The following PTPRM variants were observed in gnomAD, a reference collection of about 807,000 sequenced individuals.
The protein encoded by PTPRM is protein tyrosine phosphatase receptor type M, also known as receptor-type tyrosine-protein phosphatase mu.
A neutral mutation model predicts 186.7 loss-of-function variants in PTPRM; 47 were observed. The observed-to-expected ratio is 0.25, with a 90% CI of 0.20 to 0.32. PTPRM has a LOEUF of 0.32. Ranked by LOEUF, PTPRM falls within the 10% of genes least tolerant of loss-of-function variation. The probability of loss-of-function intolerance (pLI) is 1.00; values close to 1 mark genes in which losing one functional copy is unlikely to be tolerated. For synonymous variants in PTPRM, 668 were observed against 674.9 expected, an observed-to-expected ratio of 0.99 and a Z score of 0.16; for missense variants, 1,494 against 1,865.0, an observed-to-expected ratio of 0.80 and a Z score of 3.66.
At chr18:7,925,905 T>C (rs1411741522) in intron 4 of PTPRM, among the ~76,000 whole-genome samples, 2 of 152,228 alleles carry the variant, frequency 1.3e-5, no homozygotes, top group African/African-American at 4.8e-5. Context: ...CTGTCCCATA[T>C]GGACAATGTA....
chr18:8,311,429 T>C (rs1249729648), intron 20 of PTPRM, among the ~76,000 whole-genome samples: 1 of 152,166 alleles, frequency 6.6e-6, no homozygotes, highest in Non-Finnish European at 1.5e-5. Context: ...TGTTGCTCAC[T>C]TGCTGTGTAT....
chr18:7,916,021 C>T (rs1217588410), intron 4 of PTPRM, among the ~76,000 whole-genome samples: 12 of 152,172 alleles, frequency 7.9e-5, no homozygotes, highest in Non-Finnish European at 1.2e-4. Context: ...AAAAACTACA[C>T]GTTTTCACTT....
intron 14 of PTPRM, among the ~76,000 whole-genome samples, chr18:8,195,032 C>G (rs1009072602): frequency 2.6e-5 from 4 of 152,160 alleles, no homozygotes; most frequent in African/African-American, 9.7e-5. Context: ...AGCATCCACC[C>G]TGAGGACAAC....
At chr18:7,965,767 G>A (rs1184463444) in intron 7 of PTPRM, among the ~76,000 whole-genome samples, 1 of 152,148 alleles carries the variant, frequency 6.6e-6, no homozygotes, top group Non-Finnish European at 1.5e-5. Flanking sequence ...CATATGTCCT[G>A]TGTACTTCCT....
chr18:7,669,777 C>T (rs145312626), intron 1 of PTPRM, among the ~76,000 whole-genome samples: 3,136 of 152,158 alleles, frequency 0.021, 107 homozygotes, highest in African/African-American at 0.072. Flanking sequence ...GGCTGGAGTG[C>T]AGTGGTGCAA....
chr18:7,618,640 C>T lies in PTPRM; in HGVS notation c.73+50749C>T, dbSNP rs552168190. On this transcript the variant is annotated intron_variant, in intron 1 of 32. Coordinates refer to ENST00000580170, the MANE Select transcript of PTPRM (RefSeq NM_001105244.2). ...AGTAAGAATCTCAGTTCTGCAGCAC[C>T]TTTCCTCGTTCTTCTTTTCATAGTT... is the stretch of plus-strand genomic sequence containing the variant. Among the ~76,000 whole-genome samples the T allele has an allele frequency of 6.0e-4, 92 of 152,286 alleles. 1 individual carries two copies. Among genetic ancestry groups the T allele is most frequent in the African/African-American group, 2.1e-3 (87 of 41,574 alleles).
chr18:7,915,765 A>G (rs547788160), intron 4 of PTPRM, among the ~76,000 whole-genome samples: 1 of 152,340 alleles, frequency 6.6e-6, no homozygotes, highest in South Asian at 2.1e-4. Flanking sequence ...CTTGAACACA[A>G]ATGTGCTGAA....
At chr18:7,751,285 C>G in intron 1 of PTPRM, 1 of 152,424 alleles carries the variant, frequency 6.6e-6, no homozygotes. Flanking sequence ...CAGTCGCTTT[C>G]CACTGGACCC....
intron 11 of PTPRM, among the ~76,000 whole-genome samples, chr18:8,101,811 C>G (rs893687995): frequency 3.3e-5 from 5 of 152,196 alleles, no homozygotes; most frequent in Admixed American, 2.6e-4. Context: ...CTCTTGTCCC[C>G]CACTTTGCTT....
chr18:7,937,444 G>A (rs2051889128), intron 5 of PTPRM, among the ~76,000 whole-genome samples: 1 of 152,198 alleles, frequency 6.6e-6, no homozygotes, highest in African/African-American at 2.4e-5. Context: ...GTGCCTGGCT[G>A]TGCTCAGTGG....
At chr18:8,339,614 C>T (rs1029781044) in intron 22 of PTPRM, among the ~76,000 whole-genome samples, 3 of 152,146 alleles carry the variant, frequency 2.0e-5, no homozygotes, top group Non-Finnish European at 2.9e-5. Flanking sequence ...AGGTCAAAGG[C>T]AAAGGCTTAC....
At chr18:8,325,647 C>T (rs1015378492) in intron 22 of PTPRM, among the ~76,000 whole-genome samples, 2 of 152,078 alleles carry the variant, frequency 1.3e-5, no homozygotes, top group African/African-American at 4.8e-5. Context: ...GTATCTGAAT[C>T]ACGCATGAAT....
chr18:7,664,774 G>A (rs1208475993), intron 1 of PTPRM, among the ~76,000 whole-genome samples: 2 of 152,180 alleles, frequency 1.3e-5, no homozygotes, highest in Non-Finnish European at 2.9e-5. Flanking sequence ...GGTTCAAGGG[G>A]AGAAGATACA....
At chr18:8,132,301 A>G (rs886146109) in intron 13 of PTPRM, among the ~76,000 whole-genome samples, 7 of 152,168 alleles carry the variant, frequency 4.6e-5, no homozygotes, top group African/African-American at 1.7e-4. Context: ...AGATATTGGT[A>G]TATGTTTATG....
intron 7 of PTPRM, among the ~76,000 whole-genome samples, chr18:8,040,516 GT>G (rs1378307387): frequency 4.6e-5 from 7 of 152,152 alleles, no homozygotes; most frequent in Non-Finnish European, 7.4e-5. Flanking sequence ...TCACAGATTT[GT>G]TTGTAAACAG....
At chr18:7,656,180 G>GTGT (rs1281416839) in intron 1 of PTPRM, among the ~76,000 whole-genome samples, 1 of 152,180 alleles carries the variant, frequency 6.6e-6, no homozygotes, top group Non-Finnish European at 1.5e-5. Flanking sequence ...GAAACCCCAG[G>GTGT]TGTTCATCAG....
intron 30 of PTPRM, 87 bp downstream of exon 30, chr18:8,384,773 T>C (rs1292179823): frequency 1.3e-6 from 2 of 1,536,046 alleles, no homozygotes; most frequent in African/African-American, 2.7e-5. Context: ...TCTATGTCAG[T>C]CACTGTTCCA....
chr18:7,601,219 G>A (rs1473257312), intron 1 of PTPRM, among the ~76,000 whole-genome samples: 1 of 152,198 alleles, frequency 6.6e-6, no homozygotes, highest in African/African-American at 2.4e-5. Flanking sequence ...CAGTTTCGTG[G>A]ATCTTAAGTC....
chr18:7,773,688 C>T (rs2042444008), intron 1 of PTPRM, among the ~76,000 whole-genome samples: 4 of 151,586 alleles, frequency 2.6e-5, no homozygotes, highest in East Asian at 1.9e-4. Flanking sequence ...TGGGTTCAAG[C>T]GATTCTCTCA....
Sources: allele counts gnomAD v4.1 joint callset (sites outside exome capture counted in the v4.1 genomes callset), GRCh38; gene constraint gnomAD v4.1.1; transcripts MANE v1.5; gene names NCBI Gene and HGNC (gene_info 2026-07-23, HGNC 2026-07-21).